BTRC: variants seen among roughly 807,000 people sequenced by gnomAD.
The protein encoded by BTRC is F-box/WD repeat-containing protein 1A.
In BTRC, 42 loss-of-function variants were observed where a neutral mutation model predicts 85.5. The ratio of observed to expected loss-of-function variants is 0.49; its 90% confidence interval spans 0.38 to 0.64. BTRC has a LOEUF of 0.64. BTRC is among the 30% of genes least tolerant of loss of function. The probability of loss-of-function intolerance (pLI) is 0.00; values close to 1 mark genes in which losing one functional copy is unlikely to be tolerated. For synonymous variants in BTRC, 255 were observed against 263.3 expected (o/e 0.97, Z 0.30); for missense variants, 594 against 743.5 (o/e 0.80, Z 2.34).
intron 3 of BTRC, among the ~76,000 whole-genome samples, chr10:101,467,571 G>C (rs946804339): frequency 9.9e-5 from 15 of 152,030 alleles, no homozygotes; most frequent in South Asian, 2.1e-4. Flanking sequence ...GGACTGTCTT[G>C]TAAATACTTT....
At chr10:101,506,488 T>C (rs1476110909) in intron 4 of BTRC, among the ~76,000 whole-genome samples, 3 of 152,206 alleles carry the variant, frequency 2.0e-5, no homozygotes, top group Non-Finnish European at 4.4e-5. Flanking sequence ...TCAGCCCTGT[T>C]ATCAGTCTTG....
intron 4 of BTRC, among the ~76,000 whole-genome samples, chr10:101,505,020 C>T (rs1275179255): frequency 6.6e-6 from 1 of 150,928 alleles, no homozygotes; most frequent in Non-Finnish European, 1.5e-5. Context: ...CAGCTCACTG[C>T]AACTTCTGCC....
At chr10:101,463,771 C>G (rs935821136) in intron 3 of BTRC, among the ~76,000 whole-genome samples, 1 of 152,024 alleles carries the variant, frequency 6.6e-6, no homozygotes, top group Non-Finnish European at 1.5e-5. Context: ...GTTTCCAAAG[C>G]GTTTCTACTT....
intron 4 of BTRC, among the ~76,000 whole-genome samples, chr10:101,498,778 G>T (rs1329092187): frequency 6.6e-6 from 1 of 152,070 alleles, no homozygotes; most frequent in African/African-American, 2.4e-5. Flanking sequence ...ATGACCGAAG[G>T]TCAGGAGTTC....
chr10:101,540,431 A>G (rs1254663435), intron 13 of BTRC, among the ~76,000 whole-genome samples: 1 of 152,134 alleles, frequency 6.6e-6, no homozygotes, highest in African/African-American at 2.4e-5. Flanking sequence ...TTGACCATAT[A>G]TGTGTGAGTC....
intron 1 of BTRC, among the ~76,000 whole-genome samples, chr10:101,411,308 T>G (rs1303632408): frequency 6.6e-6 from 1 of 152,184 alleles, no homozygotes; most frequent in Non-Finnish European, 1.5e-5. Flanking sequence ...CTGGCACTTT[T>G]TATAGTTTTG....
intron 8 of BTRC, among the ~76,000 whole-genome samples, 151 bp from the exon 9 acceptor site, chr10:101,532,797 TGCGC>T (rs5787439): frequency 6.4e-5 from 9 of 141,284 alleles, no homozygotes; most frequent in South Asian, 2.2e-4. Flanking sequence ...TGTGCGCGTG[TGCGC>T]GCGCGCGCGC....
intron 1 of BTRC, among the ~76,000 whole-genome samples, chr10:101,387,527 A>ATTTTTTTTTTTTTTTTTTTTTT (rs1564741908): frequency 5.9e-5 from 1 of 16,998 alleles, no homozygotes; most frequent in Non-Finnish European, 8.4e-5. Flanking sequence ...CCTTCATGGG[A>ATTTTTTTTTTTTTTTTTTTTTT]CTTTTTTTTT....
chr10:101,432,074 G>A (rs886391563), intron 2 of BTRC, among the ~76,000 whole-genome samples: 2 of 151,890 alleles, frequency 1.3e-5, no homozygotes, highest in Non-Finnish European at 2.9e-5. Flanking sequence ...TGCTATTATT[G>A]GAGAGTAATT....
Position 101,475,953 on chromosome 10 carries a change from A to ATATATATATATATATATATATATT in BTRC, c.235-3414_235-3413insATATATATATATATATATATATTT, listed in dbSNP as rs1265691229. ...TATATATATATATATATATATATATATTCAGTAATTCCTAAGGGGAAAATA... is the reference window on the plus strand; with the variant it reads ...TATATATATATATATATATATATATATATATATATATATATATATATATTTTCAGTAATTCCTAAGGGGAAAATA... On this transcript the variant is annotated intron_variant, in intron 3 of 14. Transcript: ENST00000370187. Among the ~76,000 whole-genome samples the ATATATATATATATATATATATATT allele has an allele frequency of 1.5e-3, 194 of 133,742 alleles. 12 individuals are homozygous for ATATATATATATATATATATATATT. The highest frequency in any genetic ancestry group is 3.8e-3 in the African/African-American group (129 of 33,938). The allele number at this position is 133,742 out of a possible 152,430, so 87.7% of individuals were successfully genotyped here.
chr10:101,369,383 C>T (rs896436490), intron 1 of BTRC, among the ~76,000 whole-genome samples: 1 of 151,986 alleles, frequency 6.6e-6, no homozygotes, highest in Non-Finnish European at 1.5e-5. Context: ...TTTTTGTGTG[C>T]CAGGACTCCT....
intron 1 of BTRC, among the ~76,000 whole-genome samples, chr10:101,372,146 A>G (rs577323821): frequency 3.9e-5 from 6 of 151,990 alleles, no homozygotes; most frequent in East Asian, 1.9e-4. Flanking sequence ...CTTAATTTCT[A>G]TATTTTTATA....
At chr10:101,513,340 T>G (rs9419921) in intron 4 of BTRC, among the ~76,000 whole-genome samples, 56,243 of 152,038 alleles carry the variant, frequency 0.37, 11,579 homozygotes, top group Middle Eastern at 0.49. Context: ...ACACCCATTT[T>G]AAGTATATAG....
At chr10:101,366,515 A>T (rs948261407) in intron 1 of BTRC, among the ~76,000 whole-genome samples, 1 of 151,832 alleles carries the variant, frequency 6.6e-6, no homozygotes, top group Non-Finnish European at 1.5e-5. Flanking sequence ...AGGAGAAATT[A>T]GTTTTAATGA....
Position 101,381,962 on chromosome 10 carries a change from CTTTTTTTTTTTTTTTTTTTTTT to C in BTRC, c.48+27751_48+27772del, listed in dbSNP as rs71016314. On this transcript the variant is annotated intron_variant, in intron 1 of 14. Transcript: ENST00000370187. ...GAACCCCTAGTTATCCTAAGAATGT[CTTTTTTTTTTTTTTTTTTTTTT>C]TTTTTTTTTTTTTTTTGAGATGGCG... 4.2e-3 allele frequency among the ~76,000 whole-genome samples: 205 copies of C among 49,160 alleles called. 2 individuals are homozygous for C. The highest frequency in any genetic ancestry group is 0.021 in the African/African-American group (187 of 8,982). 32.3% of individuals were successfully genotyped at this position (49,160 alleles called of 152,430 possible).
In BTRC at chr10:101,404,854, C is replaced by T. The variant is rs371345488; in HGVS notation, c.49-25491C>T. ...TCTACTAAAAATACAAAAAATTAGC[C>T]GGGCGTGGTGGCGGGTGCCTGTAGT... On this transcript the variant is annotated intron_variant, in intron 1 of 14. Coordinates refer to ENST00000370187, the MANE Select transcript of BTRC (RefSeq NM_033637.4). Among the ~76,000 whole-genome samples the T allele has an allele frequency of 6.1e-4, 92 of 152,028 alleles. 2 individuals are homozygous for T. The highest frequency in any genetic ancestry group is 1.8e-3 in the African/African-American group (74 of 41,462).
At position 101,554,888 on chromosome 10, in the gene BTRC, T is replaced by A. The variant is rs1023656758; in HGVS notation, c.*1765T>A. 1 of 152,242 alleles carries A rather than the reference T, an allele frequency of 6.6e-6. No homozygotes were observed. The highest frequency in any genetic ancestry group is 1.5e-5 in the Non-Finnish European group (1 of 68,042). The allele number at this position is 152,242 out of a possible 1,614,324, so 9.4% of individuals were successfully genotyped here. On this transcript the variant is annotated 3_prime_UTR_variant, in exon 15 of 15. Transcript: ENST00000370187. Reference sequence around the variant, plus strand: ...CTCTTCCCAAGGTGTACCCACTGAATGTTGTTACTACATATTGAGAGTCAT... The same window carrying A: ...CTCTTCCCAAGGTGTACCCACTGAAAGTTGTTACTACATATTGAGAGTCAT...
chr10:101,517,584 C>T (rs559928547), intron 4 of BTRC, among the ~76,000 whole-genome samples: 13 of 152,062 alleles, frequency 8.5e-5, no homozygotes, highest in Non-Finnish European at 1.5e-4. Flanking sequence ...ATTTGGGTTG[C>T]CTTAAGTAAA....
intron 4 of BTRC, among the ~76,000 whole-genome samples, chr10:101,503,365 A>AT (rs1417392786): frequency 2.0e-5 from 3 of 152,198 alleles, no homozygotes; most frequent in South Asian, 2.1e-4. Flanking sequence ...GAGGACCAGA[A>AT]TTTCATTTTA....
Sources: allele counts gnomAD v4.1 joint callset (sites outside exome capture counted in the v4.1 genomes callset), GRCh38; gene constraint gnomAD v4.1.1; transcripts MANE v1.5; gene names NCBI Gene and HGNC (gene_info 2026-07-23, HGNC 2026-07-21).